CELSR2: variants seen among roughly 807,000 people sequenced by gnomAD.
CELSR2 encodes the protein cadherin EGF LAG seven-pass G-type receptor 2, also known as EGF-like protein 2.
In CELSR2, 81 loss-of-function variants were observed where a neutral mutation model predicts 251.6. The ratio of observed to expected loss-of-function variants is 0.32; its 90% CI spans 0.27 to 0.39. The LOEUF (loss-of-function observed/expected upper bound fraction) is 0.39. Ranked by LOEUF, CELSR2 falls within the 10% of genes least tolerant of loss-of-function variation. The pLI is 1.00. For missense variants in CELSR2, 3,365 were observed against 3,947.7 expected (o/e 0.85, Z 3.96); for synonymous variants, 1,721 against 1,670.5 (o/e 1.03, Z -0.74).
chr1:109,270,750 C>A, intron 24 of CELSR2, 150 bp downstream of exon 24: 4 of 1,128,702 alleles, frequency 3.5e-6, no homozygotes, highest in South Asian at 2.9e-5. Flanking sequence ...TTAACCCAGA[C>A]TCTGCAGCCG....
At chr1:109,253,477 G>A in intron 1 of CELSR2, 88 bp downstream of exon 1, 2 of 1,490,218 alleles carry the variant, frequency 1.3e-6, no homozygotes, top group Non-Finnish European at 1.8e-6. Context: ...GATCCAGGAA[G>A]CAGCTACAGA....
At position 109,258,905 on chromosome 1, in the gene CELSR2, C is replaced by T. The variant is rs752137488; in HGVS notation, c.3784C>T (p.Leu1262Phe). 6.2e-7 allele frequency: 1 copy of T among 1,612,474 alleles called. No homozygotes were observed. Among genetic ancestry groups the T allele is most frequent in the South Asian group, 1.1e-5 (1 of 90,948 alleles). The change falls in exon 2 of 34, where the codon CTC (leucine) becomes TTC (phenylalanine). Residue 1262 changes from leucine to phenylalanine, a missense_variant. By Grantham distance (22) the Leu-to-Phe change is conservative (BLOSUM62 0). This residue lies in a region of CELSR2 where 2,093 missense variants were observed against 2,382.8 expected (regional missense o/e 0.88). Coordinates refer to ENST00000271332, the MANE Select transcript of CELSR2 (RefSeq NM_001408.3). ...SAPFIASSSV[L>F]FRPIHPVGGL... ...GCCCTTCATCGCCTCCTCCTCCGTG[C>T]TCTTCCGGCCCATCCACCCCGTCGG...
At position 109,274,317 on chromosome 1, in the gene CELSR2, AG is replaced by A; in HGVS notation, c.*270del. ...TCCAAGACAAAGTTTTTCAGAAAAG[AG>A]GAAAAAAAGAATTTAAAAAAGGATC... On this transcript the variant is annotated 3_prime_UTR_variant, in exon 34 of 34. Coordinates refer to ENST00000271332, the MANE Select transcript of CELSR2 (RefSeq NM_001408.3). 1.5e-6 allele frequency: 1 copy of A among 680,282 alleles called. No individual in the cohort carries two copies. Among genetic ancestry groups the A allele is most frequent in the South Asian group, 2.8e-5 (1 of 35,890 alleles). 42.1% of individuals were successfully genotyped at this position (680,282 alleles called of 1,614,324 possible).
chr1:109,255,985 G>A (rs1655831661), intron 1 of CELSR2, among the ~76,000 whole-genome samples: 1 of 152,196 alleles, frequency 6.6e-6, no homozygotes, highest in South Asian at 2.1e-4. Flanking sequence ...CAGGGCTGAG[G>A]GGTGGCAAAG....
At chr1:109,270,684 C>T in intron 24 of CELSR2, 84 bp downstream of exon 24, 1 of 1,515,200 alleles carries the variant, frequency 6.6e-7, no homozygotes. Context: ...CATACAGGCC[C>T]TGAGGCCCCA....
Position 109,252,683 on chromosome 1 carries a change from C to T in CELSR2, c.2604C>T (p.Ser868=). The change falls in exon 1 of 34, where the codon TCC becomes TCT. Residue 868 remains serine, a synonymous_variant. Coordinates refer to ENST00000271332, the MANE Select transcript of CELSR2 (RefSeq NM_001408.3). This position sits in a 1 kb window ranked among gnomAD's most constrained non-coding sequence, Gnocchi z 4.8. ...GAGACGGTGACTTTATTGTTGAGTC[C>T]ACGTCAGGCATCGTGCGAACGCTAC... ...DDGDGDFIVE[S]TSGIVRTLRR... is the part of the protein sequence containing the mutation. The T allele has an allele frequency of 6.2e-7, 1 of 1,613,940 alleles. No homozygotes were observed. Among genetic ancestry groups the T allele is most frequent in the Non-Finnish European group, 8.5e-7 (1 of 1,180,034 alleles).
In CELSR2 at chr1:109,264,540, C is replaced by T. The variant is rs756093824; in HGVS notation, c.5376C>T (p.Ser1792=). ...GESINVEQGC[S]LPDPCDSNPC... is the part of the protein sequence containing the mutation. ...GCATCAACGTGGAGCAAGGCTGTAG[C>T]CTGCCTGACCCTTGTGACTCAAACC... Residue 1792 remains serine (S), a synonymous_variant, in exon 11 of 34, where the codon AGC becomes AGT. Coordinates refer to ENST00000271332, the MANE Select transcript of CELSR2 (RefSeq NM_001408.3). The T allele has an allele frequency of 1.9e-6, 3 of 1,614,198 alleles. No homozygotes were observed. The highest frequency in any genetic ancestry group is 2.5e-6 in the Non-Finnish European group (3 of 1,180,034).
At position 109,264,559 on chromosome 1, in the gene CELSR2, T is replaced by C. The variant is rs1656136275; in HGVS notation, c.5395T>C (p.Ser1799Pro). Residue 1799 changes from serine to proline, a missense_variant, in exon 11 of 34, where the codon TCA (serine) becomes CCA (proline). This residue lies in a region of CELSR2 where 2,093 missense variants were observed against 2,382.8 expected (regional missense o/e 0.88). Transcript: ENST00000271332. ...CTGTAGCCTGCCTGACCCTTGTGAC[T>C]CAAACCCGTGTCCTGCTAACAGCTA... ...QGCSLPDPCD[S>P]NPCPANSYCS... is the part of the protein sequence containing the mutation. The C allele has an allele frequency of 3.1e-6, 5 of 1,614,050 alleles. No individual in the cohort carries two copies. The highest frequency in any genetic ancestry group is 4.2e-6 in the Non-Finnish European group (5 of 1,180,032).
Position 109,264,929 on chromosome 1 carries a change from G to T in CELSR2, c.5526G>T (p.Val1842=), listed in dbSNP as rs781038954. 7 of 1,614,202 alleles carry T rather than the reference G, an allele frequency of 4.3e-6. No homozygotes were observed. The highest frequency in any genetic ancestry group is 5.9e-6 in the Non-Finnish European group (7 of 1,180,032). The change falls in exon 12 of 34, where the codon GTG becomes GTT. Residue 1842 remains valine, a synonymous_variant. Transcript: ENST00000271332. ...TGAACCCGTGTGAGCACCAGTCTGT[G>T]TGTACCCGCAAGCCCAGTGCCCCCC... ...CDLNPCEHQS[V]CTRKPSAPHG...
rs113707713 is a variant in CELSR2 at position 109,250,541 on chromosome 1, C to T, written c.462C>T (p.Pro154=). The T allele has an allele frequency of 5.0e-6, 8 of 1,613,832 alleles. No individual in the cohort carries two copies. The Admixed American group carries it at 5.0e-5, about 10-fold the overall frequency. The change falls in exon 1 of 34, where the codon CCC becomes CCT. Residue 154 remains proline (P), a synonymous_variant. Transcript: ENST00000271332. This position sits in a 1 kb window ranked among gnomAD's most constrained non-coding sequence, Gnocchi z 4.4. ...RCQSCKLAQA[P]GLRAGERSPE... ...AGTCCTGCAAGCTGGCACAGGCCCC[C>T]GGGCTCAGGGCAGGGGAAAGGTCAC...
chr1:109,259,334 G>A lies in CELSR2; in HGVS notation c.3958+255G>A, dbSNP rs1382170299. 3.3e-5 allele frequency among the ~76,000 whole-genome samples: 5 copies of A among 152,240 alleles called. No homozygotes were observed. In the South Asian group the frequency reaches 8.3e-4, roughly 25 times the overall value. ...GCAGAGCTGGCTCCAGAGCCAGTCG[G>A]CCTGTGTTCGTGTATCAGCTTTGCC... On this transcript the variant is annotated intron_variant, in intron 2 of 33. Coordinates refer to ENST00000271332, the MANE Select transcript of CELSR2 (RefSeq NM_001408.3).
intron 23 of CELSR2, 134 bp from the exon 24 acceptor site, chr1:109,270,292 C>A: frequency 7.8e-7 from 1 of 1,278,738 alleles, no homozygotes; most frequent in Non-Finnish European, 1.1e-6. Context: ...CGGGATCCCC[C>A]AGCACCTGCC....
rs1281733425 is a variant in CELSR2, at chr1:109,271,275, G to A, written c.7655G>A (p.Gly2552Asp). 6.2e-7 allele frequency: 1 copy of A among 1,613,888 alleles called. No homozygotes were observed. Among genetic ancestry groups the A allele is most frequent in the African/African-American group, 1.3e-5 (1 of 74,920 alleles). ...ARASCAAQRQ[G>D]FEKKGPVSGL... is the part of the protein sequence containing the mutation. The stretch of plus-strand genomic sequence containing the variant: ...GCCTCCTGTGCTGCCCAGCGGCAGG[G>A]CTTTGAGAAGAAAGGTCCTGTGTGA... Residue 2552 changes from glycine (G) to aspartate (D), a missense_variant, in exon 26 of 34, where the codon GGC becomes GAC. By Grantham distance (94) the Gly-to-Asp change is moderately conservative. Transcript: ENST00000271332.
rs1656481532 is a variant in CELSR2, at chr1:109,274,764, G to GCAGCCC, written c.*723_*728dup. ...GCCTGTGCCCCCAGGCGGGGGTCGG[G>GCAGCCC]CAGCCCCAGCCCCTCTCCTTTTCCT... On this transcript the variant is annotated 3_prime_UTR_variant, in exon 34 of 34. Coordinates refer to ENST00000271332, the MANE Select transcript of CELSR2 (RefSeq NM_001408.3). The GCAGCCC allele has an allele frequency of 6.5e-6, 1 of 152,700 alleles. No homozygotes were observed. Among genetic ancestry groups the GCAGCCC allele is most frequent in the Admixed American group, 6.5e-5 (1 of 15,288 alleles). 9.5% of individuals were successfully genotyped at this position (152,700 alleles called of 1,614,324 possible).
intron 13 of CELSR2, 40 bp downstream of exon 13, chr1:109,265,351 C>G (rs1453318020): frequency 1.9e-6 from 3 of 1,564,380 alleles, no homozygotes; most frequent in Admixed American, 1.8e-5. Flanking sequence ...GCCACTTGGG[C>G]CTCTGTCCAC....
At position 109,273,297 on chromosome 1, in the gene CELSR2, C is replaced by T. The variant is rs1262054217; in HGVS notation, c.8470C>T (p.Leu2824=). The change falls in exon 32 of 34, where the codon CTA becomes TTA. Residue 2824 remains leucine, a synonymous_variant. Coordinates refer to ENST00000271332, the MANE Select transcript of CELSR2 (RefSeq NM_001408.3). ...NGDALSREGS[L]GPLPGSSAQP... is the part of the protein sequence containing the mutation. Reference sequence around the variant, plus strand: ...AGATGCCCTGTCTCGAGAGGGGTCCCTAGGCCCCCTTCCAGGCTCTTCTGC... The same window carrying T: ...AGATGCCCTGTCTCGAGAGGGGTCCTTAGGCCCCCTTCCAGGCTCTTCTGC... The T allele has an allele frequency of 1.2e-6, 2 of 1,600,460 alleles. No individual in the cohort carries two copies. Among genetic ancestry groups the T allele is most frequent in the South Asian group, 2.2e-5 (2 of 89,358 alleles).
chr1:109,274,069 C>T lies in CELSR2; in HGVS notation c.*20C>T, dbSNP rs768051663. ...CATTAACCCTGGGCCGTGGTTCCTA[C>T]GCCCGAGGCTCCCTTCCCTTCCCCA... On this transcript the variant is annotated 3_prime_UTR_variant, in exon 34 of 34. Coordinates refer to ENST00000271332, the MANE Select transcript of CELSR2 (RefSeq NM_001408.3). 6.8e-6 allele frequency: 11 copies of T among 1,614,054 alleles called. No homozygotes were observed. The highest frequency in any genetic ancestry group is 1.1e-5 in the South Asian group (1 of 91,084).
rs1656470012 is a variant in CELSR2 at position 109,274,385 on chromosome 1, T to G, written c.*336T>G. The G allele has an allele frequency of 7.5e-6, 3 of 400,022 alleles. No individual in the cohort carries two copies. The East Asian group carries it at 1.3e-4, about 18-fold the overall frequency. The allele number at this position is 400,022 out of a possible 1,614,324, so 24.8% of individuals were successfully genotyped here. A position where few individuals can be genotyped will look rare whatever the true frequency, so the allele number is the denominator to read the frequency against. ...TCAGGGATTCATTTTTTTTATACGCTGGAAATTGACTCCCCTTTCCCTTCC... is the reference window on the plus strand; with the variant it reads ...TCAGGGATTCATTTTTTTTATACGCGGGAAATTGACTCCCCTTTCCCTTCC... On this transcript the variant is annotated 3_prime_UTR_variant, in exon 34 of 34. Coordinates refer to ENST00000271332, the MANE Select transcript of CELSR2 (RefSeq NM_001408.3).
At position 109,270,580 on chromosome 1, in the gene CELSR2, G is replaced by A; in HGVS notation, c.7463G>A (p.Gly2488Asp). ...CGCTTCTACTACATGCTGGGCTGGG[G>A]CGTGCCTGCCTTCATCACAGGTACT... ...PMRFYYMLGWGVPAFITGLAV... is the reference protein window; with the variant it reads ...PMRFYYMLGWDVPAFITGLAV... Residue 2488 changes from glycine to aspartate, a missense_variant, in exon 24 of 34, where the codon GGC becomes GAC. This residue lies in a region of CELSR2 where 2,093 missense variants were observed against 2,382.8 expected (regional missense o/e 0.88). Coordinates refer to ENST00000271332, the MANE Select transcript of CELSR2 (RefSeq NM_001408.3). 6.2e-7 allele frequency: 1 copy of A among 1,614,052 alleles called. No homozygotes were observed. Among genetic ancestry groups the A allele is most frequent in the Non-Finnish European group, 8.5e-7 (1 of 1,180,010 alleles).
Sources: gnomAD v4.1 joint callset for allele counts (sites outside exome capture counted in the v4.1 genomes callset) on GRCh38, gnomAD v4.1.1 for gene constraint, gnomAD v4.1.1 regional missense constraint, Gnocchi (gnomAD v3.1) non-coding constraint, MANE v1.5 for transcripts, NCBI Gene and HGNC (gene_info 2026-07-23, HGNC 2026-07-21) for gene names.